The following KBTBD12 variants were observed in gnomAD, a reference collection of about 807,000 sequenced individuals.
KBTBD12 encodes kelch repeat and BTB domain containing 12, also known as kelch repeat and BTB domain-containing protein 12.
A neutral mutation model predicts 58.7 loss-of-function variants in KBTBD12; 53 were observed. That is an observed-to-expected ratio of 0.90 (90% confidence interval 0.72 to 1.14). The LOEUF (loss-of-function observed/expected upper bound fraction) is 1.14. Ranked by LOEUF, KBTBD12 falls within the 50% of genes most tolerant of loss-of-function variation. KBTBD12 has a pLI of 0.00. For missense variants in KBTBD12, 704 were observed against 751.3 expected (o/e 0.94, Z 0.74); for synonymous variants, 236 against 259.8 (o/e 0.91, Z 0.88).
At chr3:127,947,901 C>G (rs1295903204) in intron 4 of KBTBD12, among the ~76,000 whole-genome samples, 1 of 152,194 alleles carries the variant, frequency 6.6e-6, no homozygotes, top group Admixed American at 6.5e-5. Context: ...GTTAGCTCAT[C>G]TAGTCCTTAC....
intron 5 of KBTBD12, among the ~76,000 whole-genome samples, chr3:127,974,485 G>C (rs764989758): frequency 6.6e-6 from 1 of 152,058 alleles, no homozygotes; most frequent in African/African-American, 2.4e-5. Context: ...TTCTGTATGG[G>C]CCATCATGAA....
rs1320239552 is a variant in KBTBD12 at position 127,923,176 on chromosome 3, GGA to G, written c.120_121del (p.Lys41IlefsTer12). The stretch of plus-strand genomic sequence containing the variant: ...GATTGATGTGGTACTCACAGCAGAA[GGA>G]GAGAAATTTCCTTGCCACAGACTGG... ...EMIDVVLTAE[G>X]EKFPCHRLVL... On this transcript the variant is annotated frameshift_variant, in exon 2 of 6. Transcript: ENST00000405109. LOFTEE classifies it high-confidence loss of function. The G allele has an allele frequency of 3.1e-6, 5 of 1,613,562 alleles. No individual in the cohort carries two copies. Among genetic ancestry groups the G allele is most frequent in the Non-Finnish European group, 4.2e-6 (5 of 1,179,642 alleles).
At chr3:127,956,570 A>G (rs1324410202) in intron 4 of KBTBD12, among the ~76,000 whole-genome samples, 2 of 152,170 alleles carry the variant, frequency 1.3e-5, no homozygotes, top group Non-Finnish European at 2.9e-5. Flanking sequence ...CAAGTTTAAA[A>G]TGTGTTTGAT....
intron 4 of KBTBD12, among the ~76,000 whole-genome samples, chr3:127,948,386 C>G (rs1940133771): frequency 6.6e-6 from 1 of 152,130 alleles, no homozygotes; most frequent in Admixed American, 6.5e-5. Flanking sequence ...GATGCTGGCC[C>G]CGTACTCTCT....
Position 127,930,263 on chromosome 3 carries a change from A to T in KBTBD12, c.1472A>T (p.Asn491Ile). ...SKYRFSTAVVNSEIYVLGGIG... is the reference protein window; with the variant it reads ...SKYRFSTAVVISEIYVLGGIG... ...TACCGATTCAGTACAGCTGTAGTCAACAGTGAGATTTATGTTTTGGGTAAG... is the reference window on the plus strand; with the variant it reads ...TACCGATTCAGTACAGCTGTAGTCATCAGTGAGATTTATGTTTTGGGTAAG... Residue 491 changes from asparagine (N) to isoleucine (I), a missense_variant, in exon 4 of 6, where the codon AAC becomes ATC. Asn to Ile is a moderately radical substitution (Grantham distance 149). Coordinates refer to ENST00000405109, the MANE Select transcript of KBTBD12 (RefSeq NM_207335.4). 1 of 1,611,722 alleles carries T rather than the reference A, an allele frequency of 6.2e-7. No individual in the cohort carries two copies. Among genetic ancestry groups the T allele is most frequent in the Non-Finnish European group, 8.5e-7 (1 of 1,178,762 alleles).
chr3:127,931,479 A>T (rs915283656), intron 4 of KBTBD12, among the ~76,000 whole-genome samples: 4 of 152,132 alleles, frequency 2.6e-5, no homozygotes, highest in African/African-American at 4.8e-5. Context: ...CCTAGGATAG[A>T]TGTATCACTC....
chr3:127,947,357 C>G lies in KBTBD12; in HGVS notation c.1493-15832C>G, dbSNP rs148627540. Among the ~76,000 whole-genome samples, 17 of 152,170 alleles carry G rather than the reference C, an allele frequency of 1.1e-4. No individual in the cohort carries two copies. The East Asian group carries it at 3.3e-3, about 29-fold the overall frequency. ...AGTCTTCTGTGCTTCAGCCCTGTTCCTTAGGCATGGGCCAGTCTTCCCCGC... is the reference window on the plus strand; with the variant it reads ...AGTCTTCTGTGCTTCAGCCCTGTTCGTTAGGCATGGGCCAGTCTTCCCCGC... On this transcript the variant is annotated intron_variant, in intron 4 of 5. Coordinates refer to ENST00000405109, the MANE Select transcript of KBTBD12 (RefSeq NM_207335.4).
At chr3:127,921,333 A>ATC (rs927315307) in intron 1 of KBTBD12, among the ~76,000 whole-genome samples, 1 of 152,122 alleles carries the variant, frequency 6.6e-6, no homozygotes, top group Admixed American at 6.5e-5. Context: ...ATGATATATC[A>ATC]CTGGAAACTA....
chr3:127,933,666 G>C (rs2107595139), intron 4 of KBTBD12, among the ~76,000 whole-genome samples: 1 of 152,248 alleles, frequency 6.6e-6, no homozygotes, highest in Non-Finnish European at 1.5e-5. Context: ...AAATGTCATA[G>C]CAGACTTGGA....
chr3:127,915,789 C>G (rs1181017994), intron 1 of KBTBD12, among the ~76,000 whole-genome samples: 1 of 152,234 alleles, frequency 6.6e-6, no homozygotes, highest in Non-Finnish European at 1.5e-5. Flanking sequence ...CCATCTCTGC[C>G]GTCTCCGACC....
chr3:127,923,344 G>T lies in KBTBD12; in HGVS notation c.283G>T (p.Glu95Ter). ...AAATTACATGTACAATGCAGCTTTG[G>T]AGATCAATAATGCCAATGTACAGAC... ...LLNYMYNAALEINNANVQTVA... is the reference protein window; with the variant it reads ...LLNYMYNAAL The change falls in exon 2 of 6, where the codon GAG (glutamate) becomes TAG (stop). Residue 95 changes from glutamate (E) to a stop codon, truncating the protein, a stop_gained. Coordinates refer to ENST00000405109, the MANE Select transcript of KBTBD12 (RefSeq NM_207335.4). LOFTEE classifies it high-confidence loss of function. The T allele has an allele frequency of 6.2e-7, 1 of 1,613,840 alleles. No individual in the cohort carries two copies.
intron 4 of KBTBD12, among the ~76,000 whole-genome samples, chr3:127,939,760 A>G (rs1015951804): frequency 6.6e-6 from 1 of 152,220 alleles, no homozygotes; most frequent in Non-Finnish European, 1.5e-5. Flanking sequence ...AGCCACAAAA[A>G]TAATTACCTT....
intron 4 of KBTBD12, among the ~76,000 whole-genome samples, chr3:127,950,740 A>G (rs897634752): frequency 3.9e-5 from 6 of 152,166 alleles, no homozygotes; most frequent in African/African-American, 1.4e-4. Context: ...AGTCAAATAA[A>G]GAAAAATGAG....
Position 127,939,508 on chromosome 3 carries a change from C to T in KBTBD12, c.1492+9225C>T, listed in dbSNP as rs182325974. 1.4e-3 allele frequency among the ~76,000 whole-genome samples: 211 copies of T among 151,858 alleles called. 3 individuals carry two copies. The highest frequency in any genetic ancestry group is 0.012 in the Admixed American group (176 of 15,238). On this transcript the variant is annotated intron_variant, in intron 4 of 5. Coordinates refer to ENST00000405109, the MANE Select transcript of KBTBD12 (RefSeq NM_207335.4). Reference sequence around the variant, plus strand: ...AGGGAGGGTAAATGGAACTATAAGGCGAAGATTCCAACATTCCAGTTATAG... The same window carrying T: ...AGGGAGGGTAAATGGAACTATAAGGTGAAGATTCCAACATTCCAGTTATAG...
chr3:127,920,275 T>G (rs1158233414), intron 1 of KBTBD12, among the ~76,000 whole-genome samples: 1 of 152,212 alleles, frequency 6.6e-6, no homozygotes, highest in African/African-American at 2.4e-5. Context: ...CATATAATAT[T>G]GCTTTGCATA....
At chr3:127,962,783 C>T (rs1326708462) in intron 4 of KBTBD12, among the ~76,000 whole-genome samples, 6 of 152,166 alleles carry the variant, frequency 3.9e-5, no homozygotes, top group Admixed American at 2.6e-4. Flanking sequence ...GGGAAGAACA[C>T]ATTCCTAGCT....
At chr3:127,983,017 A>T (rs1350820928) in intron 5 of KBTBD12, among the ~76,000 whole-genome samples, 1 of 151,638 alleles carries the variant, frequency 6.6e-6, no homozygotes, top group East Asian at 1.9e-4. Context: ...GGGCCACATG[A>T]CTCCAGCCGT....
In KBTBD12 at chr3:127,984,362, G is replaced by A. The variant is rs1940929811; in HGVS notation, c.*84G>A. The A allele has an allele frequency of 7.9e-7, 1 of 1,268,698 alleles. No homozygotes were observed. The allele number at this position is 1,268,698 out of a possible 1,614,324, so 78.6% of individuals were successfully genotyped here. A position where few individuals can be genotyped will look rare whatever the true frequency, so the allele number is the denominator to read the frequency against. The stretch of plus-strand genomic sequence containing the variant: ...GGCCCACAGCATCTCTGTCATGCCA[G>A]TCATGTGCACTGCATGCGTAGTGGC... On this transcript the variant is annotated 3_prime_UTR_variant, in exon 6 of 6. Transcript: ENST00000405109.
intron 4 of KBTBD12, among the ~76,000 whole-genome samples, chr3:127,936,140 C>T (rs1338103448): frequency 6.6e-6 from 1 of 151,952 alleles, no homozygotes; most frequent in African/African-American, 2.4e-5. Context: ...CCGAGGTAGG[C>T]GGATCACTTG....
Sources: allele counts gnomAD v4.1 joint callset (sites outside exome capture counted in the v4.1 genomes callset), GRCh38; gene constraint gnomAD v4.1.1; transcripts MANE v1.5; gene names NCBI Gene and HGNC (gene_info 2026-07-23, HGNC 2026-07-21).